STPG2: variants seen among roughly 807,000 people sequenced by gnomAD.
STPG2 encodes sperm tail PG-rich repeat containing 2.
In STPG2, 56 loss-of-function variants were observed where a neutral mutation model predicts 54.2. The ratio of observed to expected loss-of-function variants is 1.03; its 90% CI spans 0.83 to 1.29. The LOEUF is 1.29. Ranked by LOEUF, STPG2 falls within the 50% of genes most tolerant of loss-of-function variation. STPG2 has a pLI of 0.00. For synonymous variants in STPG2, 200 were observed against 181.8 expected, an observed-to-expected ratio of 1.10 and a Z score of -0.81; for missense variants, 596 against 544.9, an observed-to-expected ratio of 1.09 and a Z score of -0.93.
intron 10 of STPG2, among the ~76,000 whole-genome samples, chr4:97,565,088 G>T (rs182555127): frequency 0.017 from 2,603 of 152,074 alleles, 66 homozygotes; most frequent in African/African-American, 0.058. Context: ...ACGTAGATTT[G>T]GTCTTTTCAC....
chr4:97,639,748 A>T (rs1419844335), intron 10 of STPG2, among the ~76,000 whole-genome samples: 1 of 151,988 alleles, frequency 6.6e-6, no homozygotes, highest in Non-Finnish European at 1.5e-5. Context: ...GCGTTTAGTG[A>T]TTATACACAT....
In STPG2 at chr4:97,992,060, C is replaced by T. The variant is rs1226296276; in HGVS notation, c.613-10742G>A. ...CCACTCTATGGGTTATCTGTTTACCCTGCTGATTATTACTTTTCCCGTGCA... is the reference window on the plus strand; with the variant it reads ...CCACTCTATGGGTTATCTGTTTACCTTGCTGATTATTACTTTTCCCGTGCA... On this transcript the variant is annotated intron_variant, in intron 5 of 10. Transcript: ENST00000295268. Among the ~76,000 whole-genome samples, 8 of 151,854 alleles carry T rather than the reference C, an allele frequency of 5.3e-5. No homozygotes were observed. The East Asian group carries it at 1.3e-3, about 26-fold the overall frequency.
intron 10 of STPG2, among the ~76,000 whole-genome samples, chr4:97,613,525 C>T (rs1425831461): frequency 4.1e-5 from 6 of 145,716 alleles, no homozygotes; most frequent in African/African-American, 1.0e-4. Flanking sequence ...TGTGTATGCA[C>T]GTGCGTGTGT....
intron 7 of STPG2, among the ~76,000 whole-genome samples, chr4:97,966,827 T>C (rs1255939974): frequency 2.0e-5 from 3 of 150,702 alleles, no homozygotes. Context: ...GGCTGAGAGA[T>C]TACAAGAGCC....
At chr4:97,892,081 C>A (rs964212169) in intron 8 of STPG2, among the ~76,000 whole-genome samples, 6 of 152,224 alleles carry the variant, frequency 3.9e-5, no homozygotes, top group Non-Finnish European at 7.4e-5. Flanking sequence ...CTAAAATTTT[C>A]TCTACCAACG....
At chr4:97,600,841 C>A (rs1733439987) in intron 10 of STPG2, among the ~76,000 whole-genome samples, 1 of 152,064 alleles carries the variant, frequency 6.6e-6, no homozygotes, top group Admixed American at 6.6e-5. Flanking sequence ...TACTTTGGGG[C>A]ACAGCTAATC....
intron 3 of STPG2, among the ~76,000 whole-genome samples, chr4:98,114,761 T>G (rs74636147): frequency 0.27 from 28,011 of 103,858 alleles, 3,106 homozygotes; most frequent in East Asian, 0.39. Context: ...CCATTTTTTT[T>G]TTTTTGTGTG....
intron 4 of STPG2, among the ~76,000 whole-genome samples, chr4:97,485,254 G>A (rs190353011): frequency 4.0e-5 from 6 of 151,812 alleles, no homozygotes; most frequent in Non-Finnish European, 7.4e-5. Flanking sequence ...AATCAGCGAA[G>A]AGGAAGTCAA....
At chr4:98,131,756 C>T (rs1045323831) in intron 2 of STPG2, among the ~76,000 whole-genome samples, 2 of 152,086 alleles carry the variant, frequency 1.3e-5, no homozygotes, top group African/African-American at 2.4e-5. Context: ...GTATTCTGCA[C>T]AAATTCTTCA....
At chr4:97,907,404 G>T (rs1377720263) in intron 8 of STPG2, among the ~76,000 whole-genome samples, 1 of 152,162 alleles carries the variant, frequency 6.6e-6, no homozygotes. Flanking sequence ...CATGTTCATG[G>T]GTAGGAAGAA....
chr4:98,006,885 T>C (rs1217318209), intron 5 of STPG2, among the ~76,000 whole-genome samples: 1 of 152,180 alleles, frequency 6.6e-6, no homozygotes, highest in African/African-American at 2.4e-5. Flanking sequence ...ACCATGCATT[T>C]GGGCCATCCT....
chr4:97,848,304 T>C (rs1729031445), intron 8 of STPG2, among the ~76,000 whole-genome samples: 1 of 152,138 alleles, frequency 6.6e-6, no homozygotes, highest in Non-Finnish European at 1.5e-5. Flanking sequence ...TGAACAAATA[T>C]ACCATATATA....
chr4:97,447,952 C>A (rs796750625), intron 4 of STPG2, among the ~76,000 whole-genome samples: 11 of 152,280 alleles, frequency 7.2e-5, no homozygotes, highest in African/African-American at 2.6e-4. Flanking sequence ...GCACTCAACA[C>A]CAGCCAGTGA....
chr4:97,797,400 G>A (rs1727232425), intron 9 of STPG2, among the ~76,000 whole-genome samples: 1 of 152,122 alleles, frequency 6.6e-6, no homozygotes, highest in African/African-American at 2.4e-5. Context: ...AGCATGAAGG[G>A]CTGTTGAATT....
chr4:97,476,851 C>T (rs1257975524), intron 4 of STPG2, among the ~76,000 whole-genome samples: 2 of 152,138 alleles, frequency 1.3e-5, no homozygotes, highest in Non-Finnish European at 2.9e-5. Context: ...CTAAGTGGTT[C>T]CAAATATTAT....
chr4:97,762,351 C>A (rs1308756874), intron 9 of STPG2, among the ~76,000 whole-genome samples: 1 of 152,096 alleles, frequency 6.6e-6, no homozygotes, highest in Admixed American at 6.6e-5. Flanking sequence ...TCCCTAGTGA[C>A]CAATCTTTAC....
chr4:97,473,396 G>A (rs986925582), intron 4 of STPG2, among the ~76,000 whole-genome samples: 8 of 152,192 alleles, frequency 5.3e-5, no homozygotes, highest in Admixed American at 2.0e-4. Flanking sequence ...GGGTGTGGCC[G>A]TCTTCTATGG....
intron 9 of STPG2, among the ~76,000 whole-genome samples, chr4:97,815,736 G>C (rs941464830): frequency 2.6e-5 from 4 of 152,102 alleles, no homozygotes; most frequent in Non-Finnish European, 4.4e-5. Flanking sequence ...ACTATGTTAG[G>C]CAGAAGTATG....
chr4:97,822,402 C>T (rs962787135), intron 9 of STPG2, among the ~76,000 whole-genome samples: 12 of 152,312 alleles, frequency 7.9e-5, no homozygotes, highest in Admixed American at 2.6e-4. Context: ...CCTCATCTTT[C>T]TGTCTTCTTC....
Sources: gnomAD v4.1 joint callset for allele counts (sites outside exome capture counted in the v4.1 genomes callset) on GRCh38, gnomAD v4.1.1 for gene constraint, MANE v1.5 for transcripts, NCBI Gene and HGNC (gene_info 2026-07-23, HGNC 2026-07-21) for gene names.